Variants in MLLT3 observed in about 807,000 individuals in gnomAD.
The protein encoded by MLLT3 is MLLT3 super elongation complex subunit.
MLLT3 carries 4 observed loss-of-function variants against 53.2 expected under a neutral mutation model. The ratio of observed to expected loss-of-function variants is 0.08; its 90% CI spans 0.04 to 0.17. The LOEUF (loss-of-function observed/expected upper bound fraction) is 0.17. Among genes scored for constraint, MLLT3 ranks in the 10% least tolerant of loss-of-function variants. MLLT3 has a pLI of 1.00. For synonymous variants in MLLT3, 283 were observed against 230.6 expected (o/e 1.23, Z -2.06); for missense variants, 569 against 684.0 (o/e 0.83, Z 1.87).
chr9:20,510,219 G>C (rs1825497280), intron 2 of MLLT3, among the ~76,000 whole-genome samples: 1 of 151,932 alleles, frequency 6.6e-6, no homozygotes. Context: ...AAGAATCCAA[G>C]AAGGAAAAAA....
intron 2 of MLLT3, among the ~76,000 whole-genome samples, chr9:20,560,037 A>T (rs1819161194): frequency 6.6e-6 from 1 of 152,208 alleles, no homozygotes; most frequent in Admixed American, 6.5e-5. Flanking sequence ...AAAAGCTCAC[A>T]CTATAAACCT....
chr9:20,430,631 C>T (rs1248321609), intron 4 of MLLT3, among the ~76,000 whole-genome samples: 1 of 152,010 alleles, frequency 6.6e-6, no homozygotes, highest in African/African-American at 2.4e-5. Context: ...GAAAATATTT[C>T]AATGTTAGAC....
At chr9:20,563,252 T>C (rs1407561738) in intron 2 of MLLT3, among the ~76,000 whole-genome samples, 1 of 151,960 alleles carries the variant, frequency 6.6e-6, no homozygotes, top group East Asian at 1.9e-4. Flanking sequence ...AGGAACAACA[T>C]TAATGGGTTT....
intron 2 of MLLT3, among the ~76,000 whole-genome samples, chr9:20,500,650 T>C (rs1331935786): frequency 3.3e-5 from 5 of 152,234 alleles, no homozygotes; most frequent in Non-Finnish European, 7.3e-5. Context: ...AAGGCAAAGC[T>C]ATACACTGAC....
chr9:20,613,878 T>C (rs568531987), intron 2 of MLLT3, among the ~76,000 whole-genome samples: 2 of 152,146 alleles, frequency 1.3e-5, no homozygotes, highest in Non-Finnish European at 2.9e-5. Context: ...CTCCACAACC[T>C]CCCTTCTAGA....
chr9:20,387,067 G>A (rs1264379024), intron 5 of MLLT3, among the ~76,000 whole-genome samples: 2 of 152,168 alleles, frequency 1.3e-5, no homozygotes, highest in Admixed American at 6.5e-5. Context: ...CAGAAAATAC[G>A]TCTTTCTTAC....
intron 7 of MLLT3, 54 bp downstream of exon 7, chr9:20,363,422 T>C (rs982084314): frequency 1.2e-6 from 2 of 1,602,304 alleles, no homozygotes; most frequent in African/African-American, 2.7e-5. Flanking sequence ...CAGCAGGGCT[T>C]GTGAAAGAGT....
chr9:20,517,967 G>T (rs537266727), intron 2 of MLLT3, among the ~76,000 whole-genome samples: 1 of 152,190 alleles, frequency 6.6e-6, no homozygotes. Flanking sequence ...CAAAGTTGGC[G>T]TAATTTAAAC....
Position 20,346,349 on chromosome 9 carries a change from A to G in MLLT3, c.*94T>C. The G allele has an allele frequency of 3.1e-6, 4 of 1,288,564 alleles. No individual in the cohort carries two copies. The East Asian group carries it at 9.8e-5, about 32-fold the overall frequency. The allele number at this position is 1,288,564 out of a possible 1,614,324, so 79.8% of individuals were successfully genotyped here. On this transcript the variant is annotated 3_prime_UTR_variant, in exon 11 of 11. Transcript: ENST00000380338. ...TGGTTGCATCATTTTGAGTGTTTTC[A>G]TATAAACAACAAGAACAAAAAATCA...
chr9:20,471,296 C>A (rs1429685633), intron 2 of MLLT3, among the ~76,000 whole-genome samples: 1 of 151,922 alleles, frequency 6.6e-6, no homozygotes, highest in Non-Finnish European at 1.5e-5. Context: ...TAAGAAAAAT[C>A]TTTAAAACAG....
At chr9:20,541,559 A>G (rs1397436495) in intron 2 of MLLT3, among the ~76,000 whole-genome samples, 2 of 152,196 alleles carry the variant, frequency 1.3e-5, no homozygotes, top group Admixed American at 6.5e-5. Context: ...CACACTTTTA[A>G]AACTTCAGAT....
intron 2 of MLLT3, among the ~76,000 whole-genome samples, chr9:20,570,140 A>G (rs563926585): frequency 5.9e-5 from 9 of 152,314 alleles, no homozygotes; most frequent in African/African-American, 1.9e-4. Flanking sequence ...TTCAGAGCCA[A>G]TTTCCCACTT....
intron 4 of MLLT3, among the ~76,000 whole-genome samples, chr9:20,443,997 GAAT>G (rs1228316875): frequency 6.6e-6 from 1 of 152,256 alleles, no homozygotes; most frequent in African/African-American, 2.4e-5. Flanking sequence ...CAAGTTAGTA[GAAT>G]AATAAATTTT....
chr9:20,415,976 G>C (rs573614903), intron 4 of MLLT3, among the ~76,000 whole-genome samples: 4 of 151,774 alleles, frequency 2.6e-5, no homozygotes, highest in Non-Finnish European at 5.9e-5. Context: ...TAAACTGAAT[G>C]AAGTTACTAA....
chr9:20,516,160 C>A (rs1448707299), intron 2 of MLLT3, among the ~76,000 whole-genome samples: 1 of 152,214 alleles, frequency 6.6e-6, no homozygotes, highest in African/African-American at 2.4e-5. Context: ...GCTAAGGACT[C>A]ACCAATCCCA....
chr9:20,586,683 G>GT (rs35176024), intron 2 of MLLT3, among the ~76,000 whole-genome samples: 95 of 148,684 alleles, frequency 6.4e-4, no homozygotes, highest in Admixed American at 2.3e-3. Context: ...ACATCAAGGA[G>GT]TTTTTTTTTT....
At chr9:20,432,843 GT>G (rs1233663213) in intron 4 of MLLT3, among the ~76,000 whole-genome samples, 3 of 151,966 alleles carry the variant, frequency 2.0e-5, no homozygotes, top group African/African-American at 7.3e-5. Flanking sequence ...GTATGCTTTT[GT>G]TTTTAAATTT....
rs954886117 is a variant in MLLT3 at position 20,448,724 on chromosome 9, C to G, written c.277-458G>C. ...CTTTGGGATATATTCTCTTCAATTC[C>G]TCCTCCATTCAGGCCTTAAGATTAT... On this transcript the variant is annotated intron_variant, in intron 3 of 10. Transcript: ENST00000380338. This position sits in a 1 kb window ranked among gnomAD's most constrained non-coding sequence, Gnocchi z 4.0. Among the ~76,000 whole-genome samples the G allele has an allele frequency of 1.3e-5, 2 of 152,148 alleles. No homozygotes were observed. Among genetic ancestry groups the G allele is most frequent in the Non-Finnish European group, 1.5e-5 (1 of 68,018 alleles).
chr9:20,457,632 C>T (rs1055753185), intron 2 of MLLT3, among the ~76,000 whole-genome samples: 3 of 152,058 alleles, frequency 2.0e-5, no homozygotes, highest in African/African-American at 7.2e-5. Context: ...AACCTCCCTC[C>T]TTCACCCACC....
Sources: allele counts gnomAD v4.1 joint callset (sites outside exome capture counted in the v4.1 genomes callset), GRCh38; gene constraint gnomAD v4.1.1; non-coding constraint Gnocchi (gnomAD v3.1); transcripts MANE v1.5; gene names NCBI Gene and HGNC (gene_info 2026-07-23, HGNC 2026-07-21).